The following PPP6R3 variants were observed in gnomAD, a reference collection of about 807,000 sequenced individuals.
PPP6R3 encodes serine/threonine-protein phosphatase 6 regulatory subunit 3.
Under a neutral mutation model 110.7 loss-of-function variants are expected in PPP6R3, and 38 were observed. The observed-to-expected ratio is 0.34, with a 90% CI of 0.26 to 0.45. The LOEUF is 0.45. PPP6R3 is among the 20% of genes least tolerant of loss of function. PPP6R3 has a pLI of 1.00. For missense variants in PPP6R3, 870 were observed against 1,062.4 expected, an observed-to-expected ratio of 0.82 and a Z score of 2.52; for synonymous variants, 369 against 373.5, an observed-to-expected ratio of 0.99 and a Z score of 0.14.
intron 21 of PPP6R3, among the ~76,000 whole-genome samples, chr11:68,602,392 T>C (rs1021513506): frequency 2.0e-5 from 3 of 152,224 alleles, no homozygotes; most frequent in Non-Finnish European, 4.4e-5. Context: ...GCAGATTGAA[T>C]AGTCCTGGGA....
At position 68,613,627 on chromosome 11, in the gene PPP6R3, T is replaced by TAAC. The variant is rs1354365115; in HGVS notation, c.*511_*513dup. The TAAC allele has an allele frequency of 9.6e-5, 95 of 985,738 alleles. No homozygotes were observed. Among genetic ancestry groups the TAAC allele is most frequent in the Non-Finnish European group, 1.1e-4 (93 of 829,968 alleles). 61.1% of individuals were successfully genotyped at this position (985,738 alleles called of 1,614,324 possible). A position where few individuals can be genotyped will look rare whatever the true frequency, so the allele number is the denominator to read the frequency against. ...CCTCTAAGTGTTATTTTGGTTGTTC[T>TAAC]AACTTACAAAAGTGATTTTGAATAA... On this transcript the variant is annotated 3_prime_UTR_variant, in exon 24 of 24. Coordinates refer to ENST00000393800, the MANE Select transcript of PPP6R3 (RefSeq NM_001164161.2).
chr11:68,603,228 CTT>C (rs1317591643), intron 21 of PPP6R3, 112 bp from the exon 22 acceptor site: 23 of 1,366,396 alleles, frequency 1.7e-5, no homozygotes, highest in East Asian at 1.2e-4. Flanking sequence ...CCATCTCACT[CTT>C]TTTTTTCTTC....
At chr11:68,534,362 T>A (rs957780399) in intron 2 of PPP6R3, among the ~76,000 whole-genome samples, 9 of 152,200 alleles carry the variant, frequency 5.9e-5, no homozygotes, top group Admixed American at 5.9e-4. Context: ...TATATTCCTT[T>A]TTTTTCTTAA....
At chr11:68,592,164 T>A (rs374170379) in intron 18 of PPP6R3, among the ~76,000 whole-genome samples, 23 of 152,166 alleles carry the variant, frequency 1.5e-4, no homozygotes, top group South Asian at 8.3e-4. Context: ...TTTTTTTTTT[T>A]AAATCATCCG....
intron 1 of PPP6R3, among the ~76,000 whole-genome samples, chr11:68,483,122 C>G (rs1278320961): frequency 6.6e-6 from 1 of 152,100 alleles, no homozygotes; most frequent in Non-Finnish European, 1.5e-5. Context: ...ACACTACAAG[C>G]TGAGTTATTT....
chr11:68,612,485 C>T (rs1435114170), intron 23 of PPP6R3, among the ~76,000 whole-genome samples: 1 of 152,050 alleles, frequency 6.6e-6, no homozygotes, highest in African/African-American at 2.4e-5. Context: ...AAAACCTGGA[C>T]ACTTTGTTAT....
At chr11:68,560,029 C>T (rs1378936459) in intron 8 of PPP6R3, among the ~76,000 whole-genome samples, 1 of 151,854 alleles carries the variant, frequency 6.6e-6, no homozygotes, top group East Asian at 1.9e-4. Flanking sequence ...TGCTACAAGG[C>T]CATCATTGCA....
chr11:68,497,894 T>C (rs995824775), intron 1 of PPP6R3, among the ~76,000 whole-genome samples: 9 of 152,228 alleles, frequency 5.9e-5, no homozygotes, highest in African/African-American at 2.2e-4. Flanking sequence ...TCATTTTTAA[T>C]GACTATTTCA....
intron 19 of PPP6R3, among the ~76,000 whole-genome samples, chr11:68,599,095 G>A (rs2099622698): frequency 6.6e-6 from 1 of 152,136 alleles, no homozygotes; most frequent in African/African-American, 2.4e-5. Flanking sequence ...ATTCTACACG[G>A]GTACTTCTTA....
intron 16 of PPP6R3, 24 bp from the exon 17 acceptor site, chr11:68,590,636 C>G (rs755619961): frequency 6.6e-7 from 1 of 1,506,942 alleles, no homozygotes; most frequent in Non-Finnish European, 9.0e-7. Flanking sequence ...ATGCTTCCTA[C>G]ACTTTTATTT....
rs542669686 is a variant in PPP6R3 at position 68,582,962 on chromosome 11, G to A, written c.1546-81G>A. ...TTACACGTTGAGAAAAAAACTAAAT[G>A]TGATTTTTCCATAAAAATGCTGATA... On this transcript the variant is annotated intron_variant, in intron 14 of 23. Transcript: ENST00000393800. 6.6e-6 allele frequency: 7 copies of A among 1,055,284 alleles called. No individual in the cohort carries two copies. In the African/African-American group the frequency reaches 6.7e-5, roughly 10 times the overall value. 65.4% of individuals were successfully genotyped at this position (1,055,284 alleles called of 1,614,324 possible).
rs1157471287 is a variant in PPP6R3 at position 68,613,588 on chromosome 11, T to C, written c.*471T>C. The C allele has an allele frequency of 2.0e-6, 2 of 985,962 alleles. No individual in the cohort carries two copies. Among genetic ancestry groups the C allele is most frequent in the African/African-American group, 3.5e-5 (2 of 57,260 alleles). The allele number at this position is 985,962 out of a possible 1,614,324, so 61.1% of individuals were successfully genotyped here. ...TTTCCTCCAGGCCGACAAGGAGTTG[T>C]AGAATGAAAATGCCCTCTAAGTGTT... On this transcript the variant is annotated 3_prime_UTR_variant, in exon 24 of 24. Coordinates refer to ENST00000393800, the MANE Select transcript of PPP6R3 (RefSeq NM_001164161.2).
At position 68,569,734 on chromosome 11, in the gene PPP6R3, T is replaced by C; in HGVS notation, c.1129-14T>C. Reference sequence around the variant, plus strand: ...TGAGGTAACCGAATAAAACATGGTTTTTCTTTTTTGTAGAACATGTTCTTC... The same window carrying C: ...TGAGGTAACCGAATAAAACATGGTTCTTCTTTTTTGTAGAACATGTTCTTC... On this transcript the variant is annotated splice_polypyrimidine_tract_variant and intron_variant, in intron 10 of 23. Transcript: ENST00000393800. The C allele has an allele frequency of 6.4e-7, 1 of 1,563,918 alleles. No individual in the cohort carries two copies. The highest frequency in any genetic ancestry group is 8.7e-7 in the Non-Finnish European group (1 of 1,147,528).
intron 1 of PPP6R3, among the ~76,000 whole-genome samples, chr11:68,509,470 ATTTTTTT>A (rs34228704): frequency 2.6e-5 from 3 of 116,474 alleles, no homozygotes; most frequent in African/African-American, 9.6e-5. Flanking sequence ...TTACTTCTCT[ATTTTTTT>A]TTTTTTTTTT....
intron 8 of PPP6R3, among the ~76,000 whole-genome samples, chr11:68,562,663 G>A (rs1243552569): frequency 1.3e-5 from 2 of 152,164 alleles, no homozygotes; most frequent in Non-Finnish European, 2.9e-5. Context: ...AGCGGAGAAA[G>A]GACAGCGTTT....
chr11:68,472,544 C>T (rs532112177), intron 1 of PPP6R3, among the ~76,000 whole-genome samples: 1 of 151,908 alleles, frequency 6.6e-6, no homozygotes, highest in Admixed American at 6.6e-5. Flanking sequence ...CACCGTCCTA[C>T]ATCCTTGCTA....
Position 68,517,938 on chromosome 11 carries a change from CAAAAA to C in PPP6R3, c.-157-1552_-157-1548del, listed in dbSNP as rs34246025. On this transcript the variant is annotated intron_variant, in intron 1 of 23. Transcript: ENST00000393800. ...GGGCGAGAGAGCAAGACCCTGTCTT[CAAAAA>C]AAAAAAAAAAGTTAATAAAATACGA... Among the ~76,000 whole-genome samples, 1,020 of 128,154 alleles carry C rather than the reference CAAAAA, an allele frequency of 8.0e-3. 13 individuals carry two copies. Among genetic ancestry groups the C allele is most frequent in the African/African-American group, 0.029 (979 of 34,100 alleles). 84.1% of individuals were successfully genotyped at this position (128,154 alleles called of 152,430 possible).
At chr11:68,582,076 A>T (rs190183751) in intron 14 of PPP6R3, among the ~76,000 whole-genome samples, 2 of 152,348 alleles carry the variant, frequency 1.3e-5, no homozygotes, top group Admixed American at 1.3e-4. Context: ...CGCAAAACAG[A>T]CCAGGCCAGT....
intron 1 of PPP6R3, among the ~76,000 whole-genome samples, chr11:68,501,245 CT>C (rs1266671354): frequency 6.6e-6 from 1 of 152,192 alleles, no homozygotes; most frequent in Non-Finnish European, 1.5e-5. Flanking sequence ...CAGTCTCTTT[CT>C]TTTCTAACAG....
Sources: gnomAD v4.1 joint callset for allele counts (sites outside exome capture counted in the v4.1 genomes callset) on GRCh38, gnomAD v4.1.1 for gene constraint, MANE v1.5 for transcripts, NCBI Gene and HGNC (gene_info 2026-07-23, HGNC 2026-07-21) for gene names.